Variants in MACF1 observed in about 807,000 individuals in gnomAD.
MACF1 encodes microtubule actin crosslinking factor 1.
In MACF1, 193 loss-of-function variants were observed where a neutral mutation model predicts 854.8. That is an observed-to-expected ratio of 0.23 (90% CI 0.20 to 0.25). The LOEUF is 0.25. Among genes scored for constraint, MACF1 ranks in the 10% least tolerant of loss-of-function variants. The probability of loss-of-function intolerance (pLI) is 1.00; values close to 1 mark genes in which losing one functional copy is unlikely to be tolerated. For synonymous variants in MACF1, 3,185 were observed against 3,226.7 expected (o/e 0.99, Z 0.44); for missense variants, 7,722 against 8,929.1 (o/e 0.86, Z 5.45).
intron 21 of MACF1, 127 bp from the exon 22 acceptor site, chr1:39,300,083 A>C: frequency 2.1e-6 from 2 of 932,786 alleles, no homozygotes; most frequent in Non-Finnish European, 3.2e-6. Flanking sequence ...AGATGGCTCC[A>C]CCAACCATCC....
At position 39,282,278 on chromosome 1, in the gene MACF1, A is replaced by T; in HGVS notation, c.599A>T (p.Gln200Leu). 1 of 1,614,148 alleles carries T rather than the reference A, an allele frequency of 6.2e-7. No homozygotes were observed. Among genetic ancestry groups the T allele is most frequent in the Non-Finnish European group, 8.5e-7 (1 of 1,179,988 alleles). The part of the protein sequence containing the change: ...SAKEKLLLWT[Q>L]KVTAGYTGIK... ...AAGGAGAAACTACTCCTGTGGACCC[A>T]GAAGGTGACAGCTGGTTACACAGGA... Residue 200 changes from glutamine (Q) to leucine (L), a missense_variant, in exon 7 of 101, where the codon CAG (glutamine) becomes CTG (leucine). Around this residue, in one of 15 missense-constraint regions of MACF1, gnomAD observed 108 missense variants for 196.4 expected, o/e 0.55. Coordinates refer to ENST00000564288, the MANE Select transcript of MACF1 (RefSeq NM_001394062.1).
intron 2 of MACF1, among the ~76,000 whole-genome samples, chr1:39,149,188 T>G (rs1435472354): frequency 6.6e-6 from 1 of 151,958 alleles, no homozygotes; most frequent in African/African-American, 2.4e-5. Flanking sequence ...ACTGATAGGA[T>G]TTGAGAATGG....
chr1:39,347,337 C>A, intron 41 of MACF1, 127 bp downstream of exon 41: 1 of 718,622 alleles, frequency 1.4e-6, no homozygotes. Context: ...AATTTCATGT[C>A]ATGCAGGCCA....
chr1:39,351,866 G>T (rs3118016), intron 43 of MACF1, among the ~76,000 whole-genome samples: 31,761 of 152,056 alleles, frequency 0.21, 3,934 homozygotes, highest in Non-Finnish European at 0.27. Context: ...GGGATTACAG[G>T]TGTGAGTCAC....
chr1:39,223,510 AT>A (rs1435024612), intron 1 of MACF1, among the ~76,000 whole-genome samples: 4 of 151,464 alleles, frequency 2.6e-5, no homozygotes, highest in African/African-American at 9.7e-5. Context: ...AATAAATGCT[AT>A]TTAATTTTTT....
rs930011525 is a variant in MACF1 at position 39,409,331 on chromosome 1, C to G, written c.15817-13043C>G. 1.5e-4 allele frequency among the ~76,000 whole-genome samples: 23 copies of G among 152,100 alleles called. No individual in the cohort carries two copies. The highest frequency in any genetic ancestry group is 2.9e-4 in the Non-Finnish European group (20 of 67,990). The stretch of plus-strand genomic sequence containing the variant: ...GCGGCGGCGGGCGAGGCGGCGCCCA[C>G]AGCACTCGGGACTCAGCTGCCGGAG... On this transcript the variant is annotated intron_variant, in intron 58 of 100. Coordinates refer to ENST00000564288, the MANE Select transcript of MACF1 (RefSeq NM_001394062.1). The surrounding 1 kb of genome is among the most constrained non-coding windows in gnomAD (Gnocchi z 4.2).
chr1:39,142,930 C>G (rs1443695035), intron 2 of MACF1, among the ~76,000 whole-genome samples: 3 of 152,228 alleles, frequency 2.0e-5, no homozygotes, highest in African/African-American at 7.2e-5. Flanking sequence ...GGTCTTAGCT[C>G]TCCTTCCAGC....
intron 6 of MACF1, among the ~76,000 whole-genome samples, chr1:39,264,444 T>C (rs1645206175): frequency 6.6e-6 from 1 of 152,210 alleles, no homozygotes; most frequent in Non-Finnish European, 1.5e-5. Flanking sequence ...GGGATTTTTG[T>C]CTCTTGTTCT....
Position 39,479,923 on chromosome 1 carries a change from A to G in MACF1, c.22084A>G (p.Thr7362Ala), listed in dbSNP as rs2124225186. 4 of 1,614,118 alleles carry G rather than the reference A, an allele frequency of 2.5e-6. No individual in the cohort carries two copies. In the Middle Eastern group the frequency reaches 4.9e-4, roughly 200 times the overall value. The change falls in exon 98 of 101, where the codon ACT (threonine) becomes GCT (alanine). Residue 7362 changes from threonine (T) to alanine (A), a missense_variant. This residue lies in a region of MACF1 where 153 missense variants were observed against 342.5 expected (regional missense o/e 0.45). Coordinates refer to ENST00000564288, the MANE Select transcript of MACF1 (RefSeq NM_001394062.1). The stretch of plus-strand genomic sequence containing the variant: ...ACCATCTTCCCGGGCAGCTTCCCCT[A>G]CTCGTTCCAGCTCCAGTGCTAGTCA... Reference protein sequence around the residue: ...SKPSSRAASPTRSSSSASQSN... With the variant: ...SKPSSRAASPARSSSSASQSN...
chr1:39,277,727 C>G (rs748635341), intron 6 of MACF1, among the ~76,000 whole-genome samples: 24 of 152,310 alleles, frequency 1.6e-4, no homozygotes, highest in Non-Finnish European at 3.1e-4. Flanking sequence ...GGATTACTTG[C>G]TTACCTCTGT....
At chr1:39,305,687 A>T (rs909317730) in intron 23 of MACF1, among the ~76,000 whole-genome samples, 20 of 152,206 alleles carry the variant, frequency 1.3e-4, no homozygotes, top group African/African-American at 4.8e-4. Context: ...GACTATTGTG[A>T]GGCGACTGTG....
intron 97 of MACF1, among the ~76,000 whole-genome samples, chr1:39,474,873 A>C (rs539158750): frequency 6.6e-6 from 1 of 152,300 alleles, no homozygotes; most frequent in Admixed American, 6.5e-5. Context: ...CCAGAAGGAA[A>C]AGGGATCTGG....
chr1:39,458,955 C>A, intron 90 of MACF1, 131 bp from the exon 91 acceptor site: 1 of 803,200 alleles, frequency 1.2e-6, no homozygotes. Flanking sequence ...CTAAATATTG[C>A]CAAGTCCCGT....
At chr1:39,456,815 C>T (rs1296315179) in intron 89 of MACF1, 1 of 152,292 alleles carries the variant, frequency 6.6e-6, no homozygotes, top group East Asian at 1.9e-4. Flanking sequence ...TGTGGTCTGG[C>T]TGACACTGTT....
At chr1:39,169,333 T>C (rs1291059299) in intron 2 of MACF1, among the ~76,000 whole-genome samples, 2 of 152,214 alleles carry the variant, frequency 1.3e-5, no homozygotes, top group Non-Finnish European at 2.9e-5. Context: ...TGGTGGCCCA[T>C]GCCTGTAATC....
chr1:39,389,037 G>A (rs1351815543), intron 58 of MACF1, among the ~76,000 whole-genome samples: 1 of 151,100 alleles, frequency 6.6e-6, no homozygotes, highest in East Asian at 1.9e-4. Context: ...ACCATACCCG[G>A]CTAATTTTTT....
intron 43 of MACF1, 43 bp downstream of exon 43, chr1:39,351,061 A>T (rs763966440): frequency 1.4e-6 from 2 of 1,452,626 alleles, no homozygotes; most frequent in Non-Finnish European, 1.9e-6. Context: ...AAAAAAGAAA[A>T]TTTTGGTACC....
At chr1:39,104,398 T>C (rs1474367514) in intron 2 of MACF1, among the ~76,000 whole-genome samples, 1 of 152,244 alleles carries the variant, frequency 6.6e-6, no homozygotes, top group Non-Finnish European at 1.5e-5. Flanking sequence ...TTCCTTTCTT[T>C]ACTCTTTCCT....
chr1:39,369,975 C>T, intron 50 of MACF1, 55 bp from the exon 51 acceptor site: 1 of 1,534,842 alleles, frequency 6.5e-7, no homozygotes, highest in Non-Finnish European at 8.9e-7. Context: ...ACTCTTAGCT[C>T]AAGTTGACTT....
Sources: allele counts gnomAD v4.1 joint callset (sites outside exome capture counted in the v4.1 genomes callset), GRCh38; gene constraint gnomAD v4.1.1; regional missense constraint gnomAD v4.1.1; non-coding constraint Gnocchi (gnomAD v3.1); transcripts MANE v1.5; gene names NCBI Gene and HGNC (gene_info 2026-07-23, HGNC 2026-07-21).